SYT17: variants seen among roughly 807,000 people sequenced by gnomAD.
The protein encoded by SYT17 is synaptotagmin 17.
SYT17 carries 22 observed loss-of-function variants against 46.7 expected under a neutral mutation model. That is an observed-to-expected ratio of 0.47 (90% CI 0.34 to 0.67). The LOEUF is 0.67. Among genes scored for constraint, SYT17 ranks in the 30% least tolerant of loss-of-function variants. The probability of loss-of-function intolerance (pLI) is 0.01; values close to 1 mark genes in which losing one functional copy is unlikely to be tolerated. For missense variants in SYT17, 519 were observed against 612.8 expected (o/e 0.85, Z 1.62); for synonymous variants, 251 against 248.4 (o/e 1.01, Z -0.10).
At chr16:19,199,160 ATCGT>A (rs1446324665) in intron 5 of SYT17, among the ~76,000 whole-genome samples, 3 of 152,186 alleles carry the variant, frequency 2.0e-5, no homozygotes, top group Admixed American at 2.0e-4. Context: ...TGAGACTCTC[ATCGT>A]AGTGTAATAA....
At chr16:19,172,294 AG>A (rs1451572623) in intron 1 of SYT17, 1 of 1,279,538 alleles carries the variant, frequency 7.8e-7, no homozygotes, top group African/African-American at 1.5e-5. Context: ...CAGAATTGGA[AG>A]GTAGGGCCTC....
At chr16:19,184,863 T>C (rs1964720321) in intron 5 of SYT17, among the ~76,000 whole-genome samples, 1 of 152,192 alleles carries the variant, frequency 6.6e-6, no homozygotes, top group African/African-American at 2.4e-5. Context: ...GGATGATGCA[T>C]GGATGTTTTT....
chr16:19,256,277 T>A (rs1225553885), intron 7 of SYT17, among the ~76,000 whole-genome samples: 5 of 151,854 alleles, frequency 3.3e-5, no homozygotes, highest in Non-Finnish European at 7.4e-5. Flanking sequence ...AGCCACTCAT[T>A]CAAAAGTCAG....
intron 5 of SYT17, among the ~76,000 whole-genome samples, chr16:19,200,226 A>G (rs1041538584): frequency 1.3e-5 from 2 of 152,208 alleles, no homozygotes; most frequent in Admixed American, 1.3e-4. Flanking sequence ...AACAAATACA[A>G]CATGGGCTGC....
Position 19,187,039 on chromosome 16 carries a change from A to T in SYT17, c.951+2892A>T, listed in dbSNP as rs189654587. Among the ~76,000 whole-genome samples, 1,097 of 151,990 alleles carry T rather than the reference A, an allele frequency of 7.2e-3. 15 individuals are homozygous for T. Among genetic ancestry groups the T allele is most frequent in the African/African-American group, 0.023 (962 of 41,446 alleles). ...TTGCTTTTTTAAAATTATTATTATT[A>T]TTTTTTATTTTTAGAAACAGGGTCT... On this transcript the variant is annotated intron_variant, in intron 5 of 7. Coordinates refer to ENST00000355377, the MANE Select transcript of SYT17 (RefSeq NM_016524.4).
chr16:19,231,119 C>A (rs2285605), intron 7 of SYT17, among the ~76,000 whole-genome samples: 27,128 of 152,116 alleles, frequency 0.18, 2,755 homozygotes, highest in Middle Eastern at 0.29. Context: ...TCTTCCCTCT[C>A]GATGTTAGAG....
intron 7 of SYT17, among the ~76,000 whole-genome samples, chr16:19,263,995 T>C (rs551822923): frequency 4.3e-4 from 65 of 152,166 alleles, no homozygotes; most frequent in Non-Finnish European, 7.9e-4. Context: ...TGGGAGATGA[T>C]TAGGTCATGA....
At chr16:19,238,758 T>C (rs1232568185) in intron 7 of SYT17, among the ~76,000 whole-genome samples, 1 of 151,288 alleles carries the variant, frequency 6.6e-6, no homozygotes, top group African/African-American at 2.4e-5. Context: ...ATACGAGGGG[T>C]CCAGCAGAGG....
intron 7 of SYT17, among the ~76,000 whole-genome samples, chr16:19,253,978 C>T (rs762763657): frequency 1.3e-5 from 2 of 152,236 alleles, no homozygotes; most frequent in Non-Finnish European, 2.9e-5. Context: ...ATCCACCTGC[C>T]TTGGCCTCCC....
chr16:19,252,657 T>C (rs1968271244), intron 7 of SYT17, among the ~76,000 whole-genome samples: 1 of 148,736 alleles, frequency 6.7e-6, no homozygotes, highest in African/African-American at 2.5e-5. Flanking sequence ...GGCTGATTTC[T>C]TTGGATGTTT....
chr16:19,226,088 T>C (rs1473606215), intron 7 of SYT17, among the ~76,000 whole-genome samples: 1 of 152,152 alleles, frequency 6.6e-6, no homozygotes. Flanking sequence ...CCCTATATCA[T>C]TGCTAACATT....
At chr16:19,237,789 A>G (rs1966868934) in intron 7 of SYT17, among the ~76,000 whole-genome samples, 1 of 152,176 alleles carries the variant, frequency 6.6e-6, no homozygotes, top group Non-Finnish European at 1.5e-5. Flanking sequence ...CTCATGGACT[A>G]AGCCCTACTT....
In SYT17 at chr16:19,182,877, T is replaced by C. The variant is rs147526361; in HGVS notation, c.332-651T>C. 3.8e-3 allele frequency among the ~76,000 whole-genome samples: 582 copies of C among 152,358 alleles called. 4 individuals carry two copies. Among genetic ancestry groups the C allele is most frequent in the African/African-American group, 0.013 (538 of 41,576 alleles). On this transcript the variant is annotated intron_variant, in intron 4 of 7. Transcript: ENST00000355377. ...GGGCACATTCTGTGCCATGCTCTTT[T>C]CATGCCCTGGCTCAGTGAATCTTCA... is the stretch of plus-strand genomic sequence containing the variant.
chr16:19,256,822 C>T (rs1452078115), intron 7 of SYT17, among the ~76,000 whole-genome samples: 2 of 152,082 alleles, frequency 1.3e-5, no homozygotes, highest in Non-Finnish European at 1.5e-5. Flanking sequence ...AAGCGATCCT[C>T]CCACCTTGGC....
chr16:19,181,165 C>G (rs1964541946), intron 4 of SYT17, among the ~76,000 whole-genome samples: 1 of 152,156 alleles, frequency 6.6e-6, no homozygotes, highest in African/African-American at 2.4e-5. Context: ...TTATGTGAAA[C>G]ATTCTTACTT....
intron 7 of SYT17, among the ~76,000 whole-genome samples, chr16:19,248,535 A>T (rs1967767726): frequency 6.6e-6 from 1 of 152,186 alleles, no homozygotes; most frequent in Non-Finnish European, 1.5e-5. Context: ...TTAGAATACT[A>T]CTGGGCCGGG....
chr16:19,183,721 A>G lies in SYT17; in HGVS notation c.525A>G (p.Thr175=), dbSNP rs1480834691. 1.2e-6 allele frequency: 2 copies of G among 1,614,240 alleles called. No individual in the cohort carries two copies. Among genetic ancestry groups the G allele is most frequent in the Non-Finnish European group, 1.7e-6 (2 of 1,180,032 alleles). Residue 175 remains threonine (T), a synonymous_variant, in exon 5 of 8, where the codon ACA becomes ACG. Transcript: ENST00000355377. This position sits in a 1 kb window ranked among gnomAD's most constrained non-coding sequence, Gnocchi z 5.6. ...DSNSDDVDSL[T]DEEILSKYQL... is the part of the protein sequence containing the mutation. ...ACAGCGACGATGTGGACTCTCTGAC[A>G]GACGAGGAGATCCTGTCCAAGTACC...
intron 5 of SYT17, among the ~76,000 whole-genome samples, chr16:19,206,519 C>T (rs996711905): frequency 2.0e-5 from 3 of 152,134 alleles, no homozygotes; most frequent in Non-Finnish European, 4.4e-5. Context: ...CTGTAATACA[C>T]ACTGGGTGCC....
At position 19,183,759 on chromosome 16, in the gene SYT17, T is replaced by G; in HGVS notation, c.563T>G (p.Leu188Arg). Residue 188 changes from leucine (L) to arginine (R), a missense_variant, in exon 5 of 8, where the codon CTG (leucine) becomes CGG (arginine). Leu to Arg is a moderately radical substitution (Grantham distance 102). Coordinates refer to ENST00000355377, the MANE Select transcript of SYT17 (RefSeq NM_016524.4). The surrounding 1 kb of genome is among the most constrained non-coding windows in gnomAD (Gnocchi z 5.6). ...EILSKYQLGM[L>R]HFSTQYDLLH... is the part of the protein sequence containing the mutation. ...CTGTCCAAGTACCAGCTGGGCATGC[T>G]GCACTTCAGCACTCAGTACGACCTG... The G allele has an allele frequency of 6.2e-7, 1 of 1,614,218 alleles. No individual in the cohort carries two copies. Among genetic ancestry groups the G allele is most frequent in the Non-Finnish European group, 8.5e-7 (1 of 1,180,038 alleles).
Sources: allele counts gnomAD v4.1 joint callset (sites outside exome capture counted in the v4.1 genomes callset), GRCh38; gene constraint gnomAD v4.1.1; non-coding constraint Gnocchi (gnomAD v3.1); transcripts MANE v1.5; gene names NCBI Gene and HGNC (gene_info 2026-07-23, HGNC 2026-07-21).